Variants in PTPRD observed in about 807,000 individuals in gnomAD.
PTPRD encodes receptor-type tyrosine-protein phosphatase delta.
PTPRD carries 34 observed loss-of-function variants against 214.5 expected under a neutral mutation model. The ratio of observed to expected loss-of-function variants is 0.16; its 90% CI spans 0.12 to 0.21. The LOEUF is 0.21. Ranked by LOEUF, PTPRD falls within the 10% of genes least tolerant of loss-of-function variation. The pLI, the probability that PTPRD is intolerant of heterozygous loss-of-function variation, is 1.00. For missense variants in PTPRD, 2,545 were observed against 2,398.7 expected (o/e 1.06, Z -1.27); for synonymous variants, 1,128 against 845.7 (o/e 1.33, Z -5.79).
intron 8 of PTPRD, among the ~76,000 whole-genome samples, chr9:9,446,469 G>A (rs1437154368): frequency 1.3e-5 from 2 of 152,092 alleles, no homozygotes; most frequent in Non-Finnish European, 2.9e-5. Flanking sequence ...TGAGACTTTC[G>A]TGAGGTTTTA....
chr9:9,811,222 C>A (rs973126025), intron 5 of PTPRD, among the ~76,000 whole-genome samples: 4 of 152,046 alleles, frequency 2.6e-5, no homozygotes, highest in African/African-American at 7.2e-5. Flanking sequence ...TCAATAAAAG[C>A]AGTTAGCAAG....
chr9:8,351,960 T>A lies in PTPRD; in HGVS notation c.4662-9982A>T, dbSNP rs147993578. On this transcript the variant is annotated intron_variant, in intron 39 of 45. Coordinates refer to ENST00000381196, the MANE Select transcript of PTPRD (RefSeq NM_002839.4). ...GTATAGAATACTGAAAGATCAGGGA[T>A]GAGCTACCAGGTTATATCCCTTTGG... is the stretch of plus-strand genomic sequence containing the variant. Among the ~76,000 whole-genome samples, 913 of 152,042 alleles carry A rather than the reference T, an allele frequency of 6.0e-3. 11 individuals are homozygous for A. Among genetic ancestry groups the A allele is most frequent in the African/African-American group, 0.021 (875 of 41,478 alleles).
chr9:9,986,185 T>C (rs781650722), intron 4 of PTPRD, among the ~76,000 whole-genome samples: 19 of 152,154 alleles, frequency 1.2e-4, no homozygotes, highest in Admixed American at 3.9e-4. Flanking sequence ...TACAAAGTTC[T>C]GTAGAACGCT....
At chr9:10,364,889 T>G (rs1396335831) in intron 2 of PTPRD, among the ~76,000 whole-genome samples, 1 of 152,226 alleles carries the variant, frequency 6.6e-6, no homozygotes, top group Non-Finnish European at 1.5e-5. Context: ...CATCCCCACT[T>G]AACGCTGTAC....
At chr9:10,548,890 A>C (rs1309274728) in intron 2 of PTPRD, among the ~76,000 whole-genome samples, 1 of 152,212 alleles carries the variant, frequency 6.6e-6, no homozygotes, top group East Asian at 1.9e-4. Context: ...GGACACTGTT[A>C]ATGTGCATAA....
At chr9:9,767,005 CT>C (rs58414208) in intron 5 of PTPRD, among the ~76,000 whole-genome samples, 154 bp from the exon 6 acceptor site, 9,428 of 148,018 alleles carry the variant, frequency 0.064, 340 homozygotes, top group Middle Eastern at 0.16. Flanking sequence ...GATGTCTTAT[CT>C]TTTTTTTTTA....
intron 7 of PTPRD, among the ~76,000 whole-genome samples, chr9:9,706,945 T>G (rs181079449): frequency 3.9e-5 from 6 of 152,224 alleles, no homozygotes; most frequent in Admixed American, 3.3e-4. Context: ...AAAGGACCAT[T>G]TGGCCCCACT....
At chr9:9,507,984 C>A (rs145162428) in intron 8 of PTPRD, among the ~76,000 whole-genome samples, 1 of 151,510 alleles carries the variant, frequency 6.6e-6, no homozygotes, top group African/African-American at 2.4e-5. Flanking sequence ...ATTATTGTAT[C>A]AATAGCCTAA....
At chr9:10,133,616 T>G (rs1327959110) in intron 3 of PTPRD, among the ~76,000 whole-genome samples, 1 of 152,138 alleles carries the variant, frequency 6.6e-6, no homozygotes, top group Non-Finnish European at 1.5e-5. Flanking sequence ...CTATATAGTA[T>G]GAAATATAAC....
At chr9:8,617,310 T>C (rs561801329) in intron 14 of PTPRD, among the ~76,000 whole-genome samples, 3 of 152,196 alleles carry the variant, frequency 2.0e-5, no homozygotes, top group African/African-American at 7.2e-5. Context: ...GGTTGGTCGA[T>C]GAAGCACCCA....
chr9:9,493,930 C>G (rs114997576), intron 8 of PTPRD, among the ~76,000 whole-genome samples: 2 of 151,704 alleles, frequency 1.3e-5, no homozygotes, highest in African/African-American at 4.8e-5. Flanking sequence ...AGATTTTATT[C>G]CAAATGCTAT....
chr9:8,574,752 G>A (rs2092008307), intron 14 of PTPRD, among the ~76,000 whole-genome samples: 2 of 151,944 alleles, frequency 1.3e-5, no homozygotes, highest in South Asian at 4.1e-4. Flanking sequence ...CTCCCCCTGA[G>A]CTATTAAAAC....
intron 2 of PTPRD, among the ~76,000 whole-genome samples, chr9:10,426,219 G>T (rs1036857994): frequency 6.6e-6 from 1 of 151,820 alleles, no homozygotes; most frequent in African/African-American, 2.4e-5. Flanking sequence ...TTTAAAAATG[G>T]CAAAATTCAA....
At chr9:9,313,489 T>C (rs1000994490) in intron 9 of PTPRD, among the ~76,000 whole-genome samples, 1 of 152,118 alleles carries the variant, frequency 6.6e-6, no homozygotes, top group African/African-American at 2.4e-5. Context: ...CAGCAAAAGG[T>C]TGAGAGATCC....
At chr9:10,316,879 T>C (rs1312945280) in intron 3 of PTPRD, among the ~76,000 whole-genome samples, 1 of 151,962 alleles carries the variant, frequency 6.6e-6, no homozygotes, top group Admixed American at 6.6e-5. Context: ...GCTAACAATT[T>C]ACACTGTAGG....
intron 2 of PTPRD, among the ~76,000 whole-genome samples, chr9:10,606,631 C>T (rs1232432577): frequency 6.6e-6 from 1 of 150,886 alleles, no homozygotes; most frequent in Non-Finnish European, 1.5e-5. Flanking sequence ...TATAAAGAAG[C>T]TATATCTAGG....
At chr9:10,204,454 C>A (rs189266810) in intron 3 of PTPRD, among the ~76,000 whole-genome samples, 2 of 152,246 alleles carry the variant, frequency 1.3e-5, no homozygotes, top group Admixed American at 1.3e-4. Flanking sequence ...GGACCTCATT[C>A]ATGGCTGTTT....
intron 3 of PTPRD, among the ~76,000 whole-genome samples, chr9:10,060,807 T>TCTTTCTTC: frequency 9.5e-6 from 1 of 105,056 alleles, no homozygotes; most frequent in South Asian, 2.4e-4. Flanking sequence ...TTTCTTCCTT[T>TCTTTCTTC]CTTTCTTTCT....
At chr9:9,947,384 T>TATATATTATATA (rs2092775005) in intron 4 of PTPRD, among the ~76,000 whole-genome samples, 1 of 38,646 alleles carries the variant, frequency 2.6e-5, no homozygotes, top group African/African-American at 1.2e-4. Context: ...TTATATATAT[T>TATATATTATATA]TTATATACAT....
Sources: gnomAD v4.1 joint callset for allele counts (sites outside exome capture counted in the v4.1 genomes callset) on GRCh38, gnomAD v4.1.1 for gene constraint, MANE v1.5 for transcripts, NCBI Gene and HGNC (gene_info 2026-07-23, HGNC 2026-07-21) for gene names.